TMEM132B: variants seen among roughly 807,000 people sequenced by gnomAD.
The protein encoded by TMEM132B is transmembrane protein 132B.
TMEM132B carries 18 observed loss-of-function variants against 90.8 expected under a neutral mutation model. That is an observed-to-expected ratio of 0.20 (90% CI 0.14 to 0.29). The LOEUF (loss-of-function observed/expected upper bound fraction) is 0.29. TMEM132B is among the 10% of genes least tolerant of loss of function. The pLI is 1.00. For synonymous variants in TMEM132B, 504 were observed against 523.3 expected, an observed-to-expected ratio of 0.96 and a Z score of 0.50; for missense variants, 1,096 against 1,326.8, an observed-to-expected ratio of 0.83 and a Z score of 2.70.
chr12:125,286,493 T>C (rs1387317836), intron 1 of TMEM132B, among the ~76,000 whole-genome samples: 1 of 152,054 alleles, frequency 6.6e-6, no homozygotes, highest in Non-Finnish European at 1.5e-5. Flanking sequence ...GGTGGGAAAA[T>C]ATAATAAAAT....
At chr12:125,591,675 C>T (rs1476528254) in intron 5 of TMEM132B, among the ~76,000 whole-genome samples, 1 of 152,148 alleles carries the variant, frequency 6.6e-6, no homozygotes, top group Non-Finnish European at 1.5e-5. Context: ...GACTCCAGTC[C>T]CTCTAAAGGC....
intron 2 of TMEM132B, among the ~76,000 whole-genome samples, chr12:125,362,501 T>C (rs61400937): frequency 0.095 from 14,516 of 152,232 alleles, 793 homozygotes; most frequent in South Asian, 0.19. Flanking sequence ...TTAACACATC[T>C]TAAAGTGTAC....
intron 5 of TMEM132B, chr12:125,584,436 G>A (rs1036762027): frequency 5.9e-6 from 1 of 168,720 alleles, no homozygotes; most frequent in East Asian, 1.7e-4. Flanking sequence ...TAGCTCAGTG[G>A]GTTAGAGTGT....
intron 3 of TMEM132B, among the ~76,000 whole-genome samples, chr12:125,495,849 G>A (rs1179234439): frequency 3.3e-5 from 5 of 152,220 alleles, no homozygotes; most frequent in Non-Finnish European, 7.3e-5. Context: ...AGGCTGGTAG[G>A]ACATTGAGCA....
intron 4 of TMEM132B, among the ~76,000 whole-genome samples, chr12:125,540,444 TTTG>T (rs1883923425): frequency 1.3e-5 from 2 of 152,222 alleles, no homozygotes; most frequent in African/African-American, 4.8e-5. Flanking sequence ...TTGTCTGTTT[TTTG>T]TTGTAGTTCT....
At chr12:125,571,805 A>G (rs541687497) in intron 4 of TMEM132B, among the ~76,000 whole-genome samples, 1 of 152,368 alleles carries the variant, frequency 6.6e-6, no homozygotes, top group African/African-American at 2.4e-5. Flanking sequence ...ATTTCCTCAA[A>G]ACTCTTACGT....
chr12:125,429,537 A>G (rs1423511553), intron 3 of TMEM132B, among the ~76,000 whole-genome samples: 5 of 152,028 alleles, frequency 3.3e-5, no homozygotes. Context: ...AGGATCCCAC[A>G]TGACATTTAG....
At chr12:125,650,402 GT>G (rs935050696) in intron 6 of TMEM132B, among the ~76,000 whole-genome samples, 1 of 152,086 alleles carries the variant, frequency 6.6e-6, no homozygotes, top group African/African-American at 2.4e-5. Context: ...AAAATTACCA[GT>G]TTCCAGGACG....
At chr12:125,523,450 T>G (rs2136671397) in intron 4 of TMEM132B, among the ~76,000 whole-genome samples, 1 of 152,294 alleles carries the variant, frequency 6.6e-6, no homozygotes, top group East Asian at 1.9e-4. Flanking sequence ...AGGACCCTTG[T>G]GATGACATGG....
chr12:125,412,966 GA>G (rs1879897767), intron 2 of TMEM132B, among the ~76,000 whole-genome samples: 1 of 152,110 alleles, frequency 6.6e-6, no homozygotes. Context: ...GAGTCTCCGG[GA>G]ATTGCGGGCA....
At chr12:125,202,875 G>T (rs1873095987) in intron 1 of TMEM132B, among the ~76,000 whole-genome samples, 1 of 152,180 alleles carries the variant, frequency 6.6e-6, no homozygotes, top group African/African-American at 2.4e-5. Context: ...CCCCAAAGTA[G>T]CTGTTTCTGA....
intron 4 of TMEM132B, among the ~76,000 whole-genome samples, chr12:125,529,549 C>T (rs945751063): frequency 6.6e-6 from 1 of 152,162 alleles, no homozygotes; most frequent in African/African-American, 2.4e-5. Flanking sequence ...GTCCTGTGCT[C>T]ACTCACTTTG....
intron 2 of TMEM132B, among the ~76,000 whole-genome samples, chr12:125,375,633 C>T (rs1180902912): frequency 6.6e-6 from 1 of 152,144 alleles, no homozygotes; most frequent in Non-Finnish European, 1.5e-5. Flanking sequence ...TGGTGGCTGC[C>T]GGCTCTCTTT....
chr12:125,188,962 G>C (rs879534884), intron 1 of TMEM132B, among the ~76,000 whole-genome samples: 3 of 152,068 alleles, frequency 2.0e-5, no homozygotes, highest in African/African-American at 4.8e-5. Context: ...CTTCAGGGCT[G>C]GTTGGATTTT....
intron 4 of TMEM132B, among the ~76,000 whole-genome samples, chr12:125,568,094 A>T (rs1315476523): frequency 6.6e-6 from 1 of 151,154 alleles, no homozygotes. Flanking sequence ...TTTCTAACTC[A>T]TCTCATTCTC....
rs562134484 is a variant in TMEM132B at position 125,628,450 on chromosome 12, A to T, written c.1438-15626A>T. On this transcript the variant is annotated intron_variant, in intron 5 of 8. Coordinates refer to ENST00000682704, the MANE Select transcript of TMEM132B (RefSeq NM_001366854.1). ...TGTTTGCCATTTCTGTCTTCTTTTG[A>T]TAAATGGCTATTCAAATATTTTGTC... is the stretch of plus-strand genomic sequence containing the variant. Among the ~76,000 whole-genome samples the T allele has an allele frequency of 9.9e-5, 15 of 152,258 alleles. No individual in the cohort carries two copies. The South Asian group carries it at 2.1e-3, about 21-fold the overall frequency.
At chr12:125,386,390 C>A (rs919419626) in intron 2 of TMEM132B, among the ~76,000 whole-genome samples, 5 of 152,182 alleles carry the variant, frequency 3.3e-5, no homozygotes, top group South Asian at 2.1e-4. Context: ...TTACGTATGA[C>A]TATGGTCTAG....
chr12:125,211,646 T>C (rs1380665379), intron 1 of TMEM132B, among the ~76,000 whole-genome samples: 1 of 152,224 alleles, frequency 6.6e-6, no homozygotes, highest in African/African-American at 2.4e-5. Context: ...GAAGGCAGCA[T>C]GCACATTGCG....
rs184505570 is a variant in TMEM132B at position 125,396,342 on chromosome 12, C to T, written c.960-19189C>T. On this transcript the variant is annotated intron_variant, in intron 2 of 8. Coordinates refer to ENST00000682704, the MANE Select transcript of TMEM132B (RefSeq NM_001366854.1). ...TTCTTTTGGATGTCAGCATTTCAGT[C>T]TAGGCTGGTTTATGAAGGGGACAGC... Among the ~76,000 whole-genome samples the T allele has an allele frequency of 3.9e-5, 6 of 152,274 alleles. No individual in the cohort carries two copies. In the East Asian group the frequency reaches 1.2e-3, roughly 29 times the overall value.
Sources: gnomAD v4.1 joint callset for allele counts (sites outside exome capture counted in the v4.1 genomes callset) on GRCh38, gnomAD v4.1.1 for gene constraint, MANE v1.5 for transcripts, NCBI Gene and HGNC (gene_info 2026-07-23, HGNC 2026-07-21) for gene names.